ZNF333: variants seen among roughly 807,000 people sequenced by gnomAD.
ZNF333 encodes the protein zinc finger protein 333.
Under a neutral mutation model 76.1 loss-of-function variants are expected in ZNF333, and 61 were observed. The ratio of observed to expected loss-of-function variants is 0.80; its 90% CI spans 0.65 to 0.99. The LOEUF is 0.99. Ranked by LOEUF, ZNF333 falls within the 50% of genes least tolerant of loss-of-function variation. The pLI is 0.00. For missense variants in ZNF333, 717 were observed against 822.4 expected (o/e 0.87, Z 1.57); for synonymous variants, 284 against 305.0 (o/e 0.93, Z 0.72).
chr19:14,701,938 G>A (rs2041969016), intron 5 of ZNF333: 1 of 979,360 alleles, frequency 1.0e-6, no homozygotes, highest in Non-Finnish European at 1.2e-6. Context: ...CCTAACCGCA[G>A]AGACCACAGT....
intron 1 of ZNF333, among the ~76,000 whole-genome samples, chr19:14,690,812 G>T (rs1568515312): frequency 6.6e-6 from 1 of 151,884 alleles, no homozygotes; most frequent in South Asian, 2.1e-4. Flanking sequence ...AAAGCTTTTG[G>T]CCAGGCTTGG....
downstream of ZNF333, among the ~76,000 whole-genome samples, chr19:14,723,928 C>T (rs747059376): frequency 7.2e-5 from 11 of 152,198 alleles, no homozygotes; most frequent in Admixed American, 5.2e-4. Flanking sequence ...CCTCTTTTCT[C>T]ATCCAATCCA....
In ZNF333 at chr19:14,718,888, C is replaced by T. The variant is rs149347919; in HGVS notation, c.1561C>T (p.Leu521=). The change falls in exon 12 of 12, where the codon CTG becomes TTG. Residue 521 remains leucine, a synonymous_variant. Coordinates refer to ENST00000292530, the MANE Select transcript of ZNF333 (RefSeq NM_032433.4). ...CGKPFRTSTH[L]NVHKRIHTGE... Reference sequence around the variant, plus strand: ...CAAGCCCTTCCGGACGAGCACTCATCTGAACGTGCACAAGAGGATACACAC... The same window carrying T: ...CAAGCCCTTCCGGACGAGCACTCATTTGAACGTGCACAAGAGGATACACAC... The T allele has an allele frequency of 5.0e-6, 8 of 1,614,078 alleles. No individual in the cohort carries two copies. Among genetic ancestry groups the T allele is most frequent in the Non-Finnish European group, 5.9e-6 (7 of 1,180,042 alleles).
At chr19:14,692,842 A>G (rs1490452094) in intron 1 of ZNF333, among the ~76,000 whole-genome samples, 1 of 144,572 alleles carries the variant, frequency 6.9e-6, no homozygotes, top group Non-Finnish European at 1.5e-5. Flanking sequence ...TTTTTTCTTG[A>G]CATGGAGTCT....
chr19:14,693,994 A>AAC (rs1233536693), intron 2 of ZNF333, among the ~76,000 whole-genome samples: 2 of 151,532 alleles, frequency 1.3e-5, no homozygotes, highest in East Asian at 3.9e-4. Flanking sequence ...AAAAAAAAAA[A>AAC]AAAAAAAAAA....
At chr19:14,709,485 C>A (rs985053871) in intron 7 of ZNF333, among the ~76,000 whole-genome samples, 1 of 152,188 alleles carries the variant, frequency 6.6e-6, no homozygotes, top group Non-Finnish European at 1.5e-5. Context: ...CCACATACCC[C>A]CTAGTCATGA....
chr19:14,694,966 G>A (rs370884527), intron 2 of ZNF333, 44 bp from the exon 3 acceptor site: 15 of 1,613,158 alleles, frequency 9.3e-6, no homozygotes, highest in Middle Eastern at 1.7e-4. Flanking sequence ...CTGCTCAGTG[G>A]TGGGGGTGGT....
chr19:14,710,970 A>G (rs1314770951), intron 7 of ZNF333, among the ~76,000 whole-genome samples: 5 of 145,876 alleles, frequency 3.4e-5, no homozygotes, highest in African/African-American at 1.3e-4. Flanking sequence ...GAGCGGGGGC[A>G]GTGGGGGAGG....
chr19:14,714,024 G>A (rs1421234130), intron 7 of ZNF333, among the ~76,000 whole-genome samples: 4 of 152,108 alleles, frequency 2.6e-5, no homozygotes, highest in Non-Finnish European at 5.9e-5. Flanking sequence ...TTCCCAGCAC[G>A]GATGGAGGTC....
At chr19:14,716,371 A>T in intron 9 of ZNF333, 133 bp downstream of exon 9, 1 of 1,036,880 alleles carries the variant, frequency 9.6e-7, no homozygotes, top group Non-Finnish European at 1.4e-6. Flanking sequence ...TGATCCTCCC[A>T]CCCCAGCCTC....
intron 3 of ZNF333, among the ~76,000 whole-genome samples, 170 bp downstream of exon 3, chr19:14,695,303 G>C (rs1225758464): frequency 6.6e-6 from 1 of 152,226 alleles, no homozygotes; most frequent in Non-Finnish European, 1.5e-5. Flanking sequence ...GTAAGGCCCT[G>C]TTTGGGTCTC....
At chr19:14,694,536 A>G (rs917015266) in intron 2 of ZNF333, among the ~76,000 whole-genome samples, 3 of 152,212 alleles carry the variant, frequency 2.0e-5, no homozygotes, top group African/African-American at 7.2e-5. Context: ...TCACAAGTAT[A>G]TAATTAAGGA....
At position 14,706,798 on chromosome 19, in the gene ZNF333, G is replaced by A. The variant is rs766920807; in HGVS notation, c.511+25G>A. On this transcript the variant is annotated intron_variant, in intron 7 of 11. Transcript: ENST00000292530. ...GGTGAGTGAGTGCTGCGTGGAACAC[G>A]TGGCCAGAGGGCCCTGCTGTCCTTG... The A allele has an allele frequency of 4.4e-6, 7 of 1,597,254 alleles. No individual in the cohort carries two copies. In the Admixed American group the frequency reaches 5.1e-5, roughly 12 times the overall value.
intron 1 of ZNF333, among the ~76,000 whole-genome samples, chr19:14,692,077 G>T (rs187603513): frequency 9.9e-5 from 15 of 152,172 alleles, no homozygotes; most frequent in African/African-American, 3.6e-4. Flanking sequence ...TTTCACTGGG[G>T]TGCCCTCAAT....
intron 6 of ZNF333, 131 bp downstream of exon 6, chr19:14,705,301 G>A: frequency 1.4e-6 from 1 of 735,480 alleles, no homozygotes; most frequent in Admixed American, 2.7e-5. Context: ...CCAGGCTGTG[G>A]GCTTGGGGTG....
rs562069442 is a variant in ZNF333, at chr19:14,710,756, C to T, written c.511+3983C>T. On this transcript the variant is annotated intron_variant, in intron 7 of 11. Transcript: ENST00000292530. ...TTGCGCCACTGCACTCCAGCCTGGGCGACAGAGTGAGATTTCCTTCTTAAA... is the reference window on the plus strand; with the variant it reads ...TTGCGCCACTGCACTCCAGCCTGGGTGACAGAGTGAGATTTCCTTCTTAAA... 7.2e-5 allele frequency among the ~76,000 whole-genome samples: 11 copies of T among 152,064 alleles called. No individual in the cohort carries two copies. In the South Asian group the frequency reaches 8.3e-4, roughly 12 times the overall value.
At chr19:14,715,325 G>C (rs1390587265) in intron 7 of ZNF333, 57 bp from the exon 8 acceptor site, 2 of 1,541,204 alleles carry the variant, frequency 1.3e-6, no homozygotes, top group Non-Finnish European at 1.8e-6. Flanking sequence ...CTTGGGGCCT[G>C]TGAGTGTGCC....
chr19:14,708,660 C>T (rs2042188589), intron 7 of ZNF333: 1 of 329,186 alleles, frequency 3.0e-6, no homozygotes, highest in Admixed American at 4.9e-5. Context: ...CATCCCTGGC[C>T]TCAACTCACT....
chr19:14,702,828 G>A (rs1054344537), intron 5 of ZNF333, among the ~76,000 whole-genome samples: 6 of 152,146 alleles, frequency 3.9e-5, no homozygotes, highest in Non-Finnish European at 8.8e-5. Flanking sequence ...TTACAACATG[G>A]CGGCAGGGGA....
Sources: allele counts gnomAD v4.1 joint callset (sites outside exome capture counted in the v4.1 genomes callset), GRCh38; gene constraint gnomAD v4.1.1; transcripts MANE v1.5; gene names NCBI Gene and HGNC (gene_info 2026-07-23, HGNC 2026-07-21).